CNOT10: variants seen among roughly 807,000 people sequenced by gnomAD.
CNOT10 encodes the protein CCR4-NOT transcription complex subunit 10, also known as CCR4-NOT transcription complex, subunit 10.
In CNOT10, 30 loss-of-function variants were observed where a neutral mutation model predicts 94.6. The ratio of observed to expected loss-of-function variants is 0.32; its 90% CI spans 0.24 to 0.43. CNOT10 has a LOEUF of 0.43. Ranked by LOEUF, CNOT10 falls within the 20% of genes least tolerant of loss-of-function variation. CNOT10 has a pLI of 1.00. For synonymous variants in CNOT10, 289 were observed against 301.6 expected, an observed-to-expected ratio of 0.96 and a Z score of 0.43; for missense variants, 759 against 877.2, an observed-to-expected ratio of 0.87 and a Z score of 1.70.
chr3:32,733,535 C>A lies in CNOT10; in HGVS notation c.1328C>A (p.Thr443Asn). Residue 443 changes from threonine (T) to asparagine (N), a missense_variant, in exon 11 of 19, where the codon ACT becomes AAT. Thr to Asn is a moderately conservative substitution (Grantham distance 65). This residue lies in a region of CNOT10 where 682 missense variants were observed against 799.4 expected (regional missense o/e 0.85). Transcript: ENST00000328834. Reference sequence around the variant, plus strand: ...TTGGCATCACAGTCTATACAGAATACTGTTTATAAGTAAGTATTTTGCAAA... The same window carrying A: ...TTGGCATCACAGTCTATACAGAATAATGTTTATAAGTAAGTATTTTGCAAA... ...IVLASQSIQNTVYNDGQSSAI... is the reference protein window; with the variant it reads ...IVLASQSIQNNVYNDGQSSAI... 1.9e-6 allele frequency: 3 copies of A among 1,567,786 alleles called. No individual in the cohort carries two copies. The highest frequency in any genetic ancestry group is 1.8e-5 in the Admixed American group (1 of 56,384).
intron 14 of CNOT10, among the ~76,000 whole-genome samples, chr3:32,760,026 C>CA (rs1444828263): frequency 6.6e-6 from 1 of 151,836 alleles, no homozygotes; most frequent in Admixed American, 6.6e-5. Context: ...ACTAAAAATA[C>CA]AAAAAATTAG....
intron 7 of CNOT10, among the ~76,000 whole-genome samples, chr3:32,717,662 T>C (rs1406195053): frequency 6.6e-6 from 1 of 152,098 alleles, no homozygotes; most frequent in Non-Finnish European, 1.5e-5. Flanking sequence ...GGTCAGGAGT[T>C]CAAGACCAGC....
Position 32,704,796 on chromosome 3 carries a change from G to GTTTT in CNOT10, c.118-6_118-3dup. The GTTTT allele has an allele frequency of 1.7e-6, 2 of 1,189,728 alleles. No individual in the cohort carries two copies. The highest frequency in any genetic ancestry group is 3.1e-5 in the East Asian group (1 of 32,566). The allele number at this position is 1,189,728 out of a possible 1,614,324, so 73.7% of individuals were successfully genotyped here. On this transcript the variant is annotated splice_polypyrimidine_tract_variant and intron_variant, in intron 2 of 18. Transcript: ENST00000328834. Reference sequence around the variant, plus strand: ...ATGTAATTTTGTGTGTGTGTGTGTGGTTTTTTTTTTTTAGTCTGGAAATTA... The same window carrying GTTTT: ...ATGTAATTTTGTGTGTGTGTGTGTGGTTTTTTTTTTTTTTTTAGTCTGGAAATTA...
intron 9 of CNOT10, among the ~76,000 whole-genome samples, chr3:32,727,333 A>G (rs190210875): frequency 5.3e-5 from 8 of 152,226 alleles, no homozygotes; most frequent in East Asian, 3.9e-4. Context: ...AAAATAAAAG[A>G]GAATAAAGTA....
At chr3:32,755,954 T>C (rs1029615636) in intron 13 of CNOT10, among the ~76,000 whole-genome samples, 2 of 152,084 alleles carry the variant, frequency 1.3e-5, no homozygotes, top group African/African-American at 4.8e-5. Flanking sequence ...GAGTGATTGG[T>C]AAAGCAGATT....
chr3:32,736,758 C>G (rs1699205461), intron 12 of CNOT10, among the ~76,000 whole-genome samples: 1 of 152,052 alleles, frequency 6.6e-6, no homozygotes, highest in South Asian at 2.1e-4. Flanking sequence ...GCCTGGGCAA[C>G]AGTCTCAAAA....
chr3:32,725,618 G>A lies in CNOT10; in HGVS notation c.1012+19G>A, dbSNP rs368383242. On this transcript the variant is annotated intron_variant, in intron 9 of 18. Coordinates refer to ENST00000328834, the MANE Select transcript of CNOT10 (RefSeq NM_015442.3). Reference sequence around the variant, plus strand: ...GATCCAGGTAAGCCCAGTACTGGGGGACAGTTTGTATTTACTACTTCAGAA... The same window carrying A: ...GATCCAGGTAAGCCCAGTACTGGGGAACAGTTTGTATTTACTACTTCAGAA... The A allele has an allele frequency of 1.5e-5, 23 of 1,584,516 alleles. No individual in the cohort carries two copies. Among genetic ancestry groups the A allele is most frequent in the South Asian group, 4.7e-5 (4 of 85,944 alleles).
In CNOT10 at chr3:32,713,385, T is replaced by C; in HGVS notation, c.573+16T>C. On this transcript the variant is annotated intron_variant, in intron 5 of 18. Coordinates refer to ENST00000328834, the MANE Select transcript of CNOT10 (RefSeq NM_015442.3). ...AAAGAATGAGGTGAGTCTTTAGAGG[T>C]GATCAGACTAAAATCTAAAATGTGA... 1 of 1,562,586 alleles carries C rather than the reference T, an allele frequency of 6.4e-7. No individual in the cohort carries two copies. Among genetic ancestry groups the C allele is most frequent in the South Asian group, 1.2e-5 (1 of 82,604 alleles).
Position 32,756,603 on chromosome 3 carries a change from C to T in CNOT10, c.1596-2855C>T, listed in dbSNP as rs557168480. ...TTTGTGGGAGCTGGAAAAGAGTTGGCTTCATTAGCAAAGTGACCTACCAAC... is the reference window on the plus strand; with the variant it reads ...TTTGTGGGAGCTGGAAAAGAGTTGGTTTCATTAGCAAAGTGACCTACCAAC... On this transcript the variant is annotated intron_variant, in intron 13 of 18. Transcript: ENST00000328834. Among the ~76,000 whole-genome samples the T allele has an allele frequency of 2.6e-5, 4 of 152,290 alleles. 1 individual carries two copies. The highest frequency in any genetic ancestry group is 7.2e-5 in the African/African-American group (3 of 41,558).
intron 17 of CNOT10, among the ~76,000 whole-genome samples, chr3:32,768,757 C>T (rs551986562): frequency 6.6e-6 from 1 of 152,300 alleles, no homozygotes; most frequent in South Asian, 2.1e-4. Flanking sequence ...TTCTTAGAAG[C>T]ACATGCTCTG....
At chr3:32,697,082 C>G (rs1435250036) in intron 1 of CNOT10, among the ~76,000 whole-genome samples, 1 of 151,966 alleles carries the variant, frequency 6.6e-6, no homozygotes, top group African/African-American at 2.4e-5. Flanking sequence ...TCCCAAGTAG[C>G]TGAGATTGTA....
Position 32,687,459 on chromosome 3 carries a change from T to TG in CNOT10, c.22+1977_22+1978insG, listed in dbSNP as rs1368966033. On this transcript the variant is annotated intron_variant, in intron 1 of 18. Transcript: ENST00000328834. Reference sequence around the variant, plus strand: ...TCACGGTTTTTTTTTTTTGTTTTTTTTTTTTTTTTTGAGACGGAGTCTCGC... The same window carrying TG: ...TCACGGTTTTTTTTTTTTGTTTTTTTGTTTTTTTTTTGAGACGGAGTCTCGC... Among the ~76,000 whole-genome samples the TG allele has an allele frequency of 3.8e-3, 423 of 110,122 alleles. 16 individuals are homozygous for TG. Among genetic ancestry groups the TG allele is most frequent in the African/African-American group, 0.013 (392 of 30,912 alleles). 72.2% of individuals were successfully genotyped at this position (110,122 alleles called of 152,430 possible).
At chr3:32,770,425 A>G (rs575377758) in intron 18 of CNOT10, among the ~76,000 whole-genome samples, 2 of 141,182 alleles carry the variant, frequency 1.4e-5, no homozygotes, top group Non-Finnish European at 3.0e-5. Context: ...TCCCGGGTTC[A>G]TGCCATTCTC....
intron 1 of CNOT10, among the ~76,000 whole-genome samples, chr3:32,696,329 AAG>A (rs762058631): frequency 0.036 from 5,437 of 150,752 alleles, 160 homozygotes; most frequent in Middle Eastern, 0.075. Flanking sequence ...AAAAAAAAAG[AAG>A]AAGAAGAAGA....
chr3:32,758,383 T>C (rs1700304460), intron 13 of CNOT10, among the ~76,000 whole-genome samples: 1 of 152,200 alleles, frequency 6.6e-6, no homozygotes, highest in African/African-American at 2.4e-5. Flanking sequence ...TCTAAGATTC[T>C]AGGAACCAAA....
At chr3:32,770,787 A>T (rs1396901415) in intron 18 of CNOT10, among the ~76,000 whole-genome samples, 1 of 150,956 alleles carries the variant, frequency 6.6e-6, no homozygotes, top group African/African-American at 2.4e-5. Flanking sequence ...GCTCACTGCA[A>T]CCTCCGCCTC....
chr3:32,687,816 AACCC>A (rs1311610081), intron 1 of CNOT10: 2 of 152,092 alleles, frequency 1.3e-5, no homozygotes, highest in African/African-American at 4.8e-5. Flanking sequence ...TTTCTGTATC[AACCC>A]ACCCAGCTCT....
At chr3:32,749,901 G>A (rs947095372) in intron 13 of CNOT10, among the ~76,000 whole-genome samples, 2 of 152,074 alleles carry the variant, frequency 1.3e-5, no homozygotes, top group Non-Finnish European at 1.5e-5. Flanking sequence ...AATGAAGGAA[G>A]GAAGGAAAGG....
chr3:32,724,776 C>G (rs1698593600), intron 8 of CNOT10, among the ~76,000 whole-genome samples: 1 of 152,020 alleles, frequency 6.6e-6, no homozygotes, highest in Non-Finnish European at 1.5e-5. Flanking sequence ...CCAGGCTAGT[C>G]TCGAACTCCT....
Sources: allele counts gnomAD v4.1 joint callset (sites outside exome capture counted in the v4.1 genomes callset), GRCh38; gene constraint gnomAD v4.1.1; regional missense constraint gnomAD v4.1.1; transcripts MANE v1.5; gene names NCBI Gene and HGNC (gene_info 2026-07-23, HGNC 2026-07-21).